The following TAS2R1 variants were observed in gnomAD, a reference collection of about 807,000 sequenced individuals.
TAS2R1 encodes taste 2 receptor member 1.
For missense variants in TAS2R1, 370 were observed against 353.4 expected, an observed-to-expected ratio of 1.05 and a Z score of -0.38; for synonymous variants, 141 against 134.2, an observed-to-expected ratio of 1.05 and a Z score of -0.35.
At chr5:9,739,175 T>C in the TAS2R1 span, among the ~76,000 whole-genome samples, 1 of 152,164 alleles carries the variant, frequency 6.6e-6, no homozygotes, top group Non-Finnish European at 1.5e-5. Context: ...CCCGTATTCA[T>C]AAGGCACCTG....
chr5:9,744,878 GAA>G, the TAS2R1 span, among the ~76,000 whole-genome samples: 1 of 152,124 alleles, frequency 6.6e-6, no homozygotes, highest in Admixed American at 6.6e-5. Flanking sequence ...GAAAATCTTT[GAA>G]ATCTGCAGCT....
At chr5:9,814,801 T>C in the TAS2R1 span, among the ~76,000 whole-genome samples, 1 of 152,192 alleles carries the variant, frequency 6.6e-6, no homozygotes, top group African/African-American at 2.4e-5. Context: ...GAGAAAAATA[T>C]CCTTCCTCTG....
chr5:9,866,446 A>G, the TAS2R1 span, among the ~76,000 whole-genome samples: 7 of 152,168 alleles, frequency 4.6e-5, no homozygotes, highest in Non-Finnish European at 8.8e-5. Context: ...AACATTGTCA[A>G]ATGTTGTATA....
At chr5:9,762,638 T>C in the TAS2R1 span, among the ~76,000 whole-genome samples, 1 of 152,228 alleles carries the variant, frequency 6.6e-6, no homozygotes, top group South Asian at 2.1e-4. Flanking sequence ...ATCTTTTCCC[T>C]TGAGTCCTGG....
chr5:9,632,521 C>T (rs1739889405), upstream of TAS2R1, among the ~76,000 whole-genome samples: 1 of 152,184 alleles, frequency 6.6e-6, no homozygotes, highest in African/African-American at 2.4e-5. Flanking sequence ...CAGCATTTTA[C>T]CCCCAGTAGA....
At chr5:9,827,265 CA>C in the TAS2R1 span, among the ~76,000 whole-genome samples, 3 of 152,098 alleles carry the variant, frequency 2.0e-5, no homozygotes, top group African/African-American at 7.2e-5. Flanking sequence ...ACCTCCAGGG[CA>C]ATCCCAATCC....
chr5:9,647,740 A>C (rs1297745757), intron 2 of TAS2R1, among the ~76,000 whole-genome samples: 1 of 152,192 alleles, frequency 6.6e-6, no homozygotes, highest in Non-Finnish European at 1.5e-5. Flanking sequence ...GATAATATAG[A>C]AGATTCATTT....
chr5:9,629,995 G>T lies in TAS2R1; in HGVS notation c.38C>A (p.Ala13Glu). The stretch of plus-strand genomic sequence containing the variant: ...AATCCCAAGAAGAAATTGTATCACT[G>T]CAAGAAGAAAATAGATAATGAGGTG... The part of the protein sequence containing the change: ...ESHLIIYFLL[A>E]VIQFLLGIFT... The change falls in exon 1 of 1, where the codon GCA (alanine) becomes GAA (glutamate). Residue 13 changes from alanine (A) to glutamate (E), a missense_variant. Ala to Glu is a moderately radical substitution (Grantham distance 107, BLOSUM62 -1). Coordinates refer to ENST00000382492, the MANE Select transcript of TAS2R1 (RefSeq NM_019599.3). The T allele has an allele frequency of 3.1e-6, 5 of 1,589,366 alleles. No individual in the cohort carries two copies. The highest frequency in any genetic ancestry group is 4.3e-6 in the Non-Finnish European group (5 of 1,171,270).
chr5:9,749,165 T>C, the TAS2R1 span, among the ~76,000 whole-genome samples: 1 of 152,164 alleles, frequency 6.6e-6, no homozygotes, highest in Admixed American at 6.6e-5. Flanking sequence ...CTAATAGGAA[T>C]ATAAAATGAA....
At chr5:9,717,735 G>A in the TAS2R1 span, among the ~76,000 whole-genome samples, 20 of 152,124 alleles carry the variant, frequency 1.3e-4, no homozygotes, top group South Asian at 2.1e-4. Context: ...AGATCCATCC[G>A]TCAAACCCTA....
At chr5:9,833,250 T>C in the TAS2R1 span, among the ~76,000 whole-genome samples, 15 of 152,296 alleles carry the variant, frequency 9.8e-5, no homozygotes, top group East Asian at 2.7e-3. Context: ...GTAGGCAAAT[T>C]GTGAGGAAGG....
the TAS2R1 span, among the ~76,000 whole-genome samples, chr5:9,901,337 A>G: frequency 6.6e-6 from 1 of 152,164 alleles, no homozygotes; most frequent in African/African-American, 2.4e-5. Context: ...GGTGAGACTA[A>G]GCTACCAGAG....
the TAS2R1 span, chr5:9,854,271 T>G: frequency 6.6e-6 from 1 of 152,130 alleles, no homozygotes; most frequent in Non-Finnish European, 1.5e-5. Flanking sequence ...CTTTTTTTTT[T>G]TTTAAGAAGG....
At chr5:9,729,673 C>G in the TAS2R1 span, among the ~76,000 whole-genome samples, 2 of 152,154 alleles carry the variant, frequency 1.3e-5, no homozygotes, top group Admixed American at 6.5e-5. Context: ...CGCGTAAAAC[C>G]GGAGGCAGCA....
the TAS2R1 span, among the ~76,000 whole-genome samples, chr5:9,887,231 T>C: frequency 5.7e-3 from 876 of 152,354 alleles, 3 homozygotes; most frequent in Non-Finnish European, 9.1e-3. Flanking sequence ...TTATTAATTA[T>C]ATTGATCTTT....
At chr5:9,901,452 G>T in the TAS2R1 span, among the ~76,000 whole-genome samples, 45 of 152,038 alleles carry the variant, frequency 3.0e-4, no homozygotes, top group Admixed American at 1.1e-3. Flanking sequence ...AATGTGGCCA[G>T]AGGGGACAGT....
At chr5:9,708,793 C>A (rs980960922) in intron 1 of TAS2R1, among the ~76,000 whole-genome samples, 2 of 152,094 alleles carry the variant, frequency 1.3e-5, no homozygotes, top group Non-Finnish European at 2.9e-5. Context: ...CTTAAACTCT[C>A]GACATTTATT....
At chr5:9,767,136 T>C in the TAS2R1 span, among the ~76,000 whole-genome samples, 3 of 152,104 alleles carry the variant, frequency 2.0e-5, no homozygotes, top group African/African-American at 7.2e-5. Flanking sequence ...TGATTTAACA[T>C]AAAGCCTATC....
chr5:9,889,105 C>A, the TAS2R1 span, among the ~76,000 whole-genome samples: 1 of 152,184 alleles, frequency 6.6e-6, no homozygotes, highest in Non-Finnish European at 1.5e-5. Flanking sequence ...CTATACAGAC[C>A]TATAAACTCA....
Sources: gnomAD v4.1 joint callset for allele counts (sites outside exome capture counted in the v4.1 genomes callset) on GRCh38, gnomAD v4.1.1 for gene constraint, MANE v1.5 for transcripts, NCBI Gene and HGNC (gene_info 2026-07-23, HGNC 2026-07-21) for gene names.